ARHGAP44: variants seen among roughly 807,000 people sequenced by gnomAD.
ARHGAP44 encodes Rho GTPase activating protein 44.
ARHGAP44 carries 43 observed loss-of-function variants against 106.8 expected under a neutral mutation model. That is an observed-to-expected ratio of 0.40 (90% CI 0.32 to 0.52). The LOEUF (loss-of-function observed/expected upper bound fraction) is 0.52, where lower values mean the gene tolerates loss of function less well. Among genes scored for constraint, ARHGAP44 ranks in the 20% least tolerant of loss-of-function variants. ARHGAP44 has a pLI of 0.48. For missense variants in ARHGAP44, 866 were observed against 1,050.5 expected (o/e 0.82, Z 2.43); for synonymous variants, 439 against 410.3 (o/e 1.07, Z -0.85).
intron 1 of ARHGAP44, among the ~76,000 whole-genome samples, chr17:12,879,259 C>T (rs777256339): frequency 2.0e-5 from 3 of 152,168 alleles, no homozygotes; most frequent in Admixed American, 6.5e-5. Flanking sequence ...TCACTTAGAA[C>T]GATGGTCTAC....
At chr17:12,874,680 C>G (rs2036500084) in intron 1 of ARHGAP44, among the ~76,000 whole-genome samples, 1 of 151,194 alleles carries the variant, frequency 6.6e-6, no homozygotes, top group Non-Finnish European at 1.5e-5. Flanking sequence ...TGCAGTGAGC[C>G]AAGAGTGTGC....
chr17:12,883,965 A>G (rs1283904039), intron 1 of ARHGAP44, among the ~76,000 whole-genome samples: 1 of 152,142 alleles, frequency 6.6e-6, no homozygotes, highest in Non-Finnish European at 1.5e-5. Context: ...TGTGATTCGT[A>G]TCAGGTACCA....
chr17:12,868,265 T>G (rs2036292196), intron 1 of ARHGAP44, among the ~76,000 whole-genome samples: 2 of 152,094 alleles, frequency 1.3e-5, no homozygotes, highest in Admixed American at 6.6e-5. Flanking sequence ...TTCCTCTTCT[T>G]ATAGGGACAC....
intron 19 of ARHGAP44, chr17:12,981,109 C>A (rs561576947): frequency 6.6e-6 from 1 of 152,278 alleles, no homozygotes; most frequent in East Asian, 1.9e-4. Flanking sequence ...TTGCATTCTA[C>A]ACAAATTTAT....
At chr17:12,894,285 AAG>A (rs1350934942) in intron 1 of ARHGAP44, among the ~76,000 whole-genome samples, 1 of 140,736 alleles carries the variant, frequency 7.1e-6, no homozygotes, top group South Asian at 2.4e-4. Flanking sequence ...TTGTCAGATA[AAG>A]AGAGAGTGAG....
chr17:12,856,802 T>C (rs2035923794), intron 1 of ARHGAP44, among the ~76,000 whole-genome samples: 1 of 152,228 alleles, frequency 6.6e-6, no homozygotes, highest in East Asian at 1.9e-4. Flanking sequence ...TGTCGAGCTT[T>C]AACAATCTGA....
intron 4 of ARHGAP44, among the ~76,000 whole-genome samples, chr17:12,915,195 T>C (rs1206751233): frequency 6.6e-6 from 1 of 152,196 alleles, no homozygotes; most frequent in Non-Finnish European, 1.5e-5. Context: ...TGTACCACCA[T>C]GCCCAGCTGA....
chr17:12,906,956 C>CA lies in ARHGAP44; in HGVS notation c.199-1938dup, dbSNP rs745705083. Among the ~76,000 whole-genome samples the CA allele has an allele frequency of 4.7e-4, 70 of 147,880 alleles. No homozygotes were observed. The East Asian group carries it at 0.011, about 24-fold the overall frequency. ...CCTTGTATCAAAAAACAAAACAAAA[C>CA]AAACAAAAAAAACAGAAAAAAAGGA... On this transcript the variant is annotated intron_variant, in intron 3 of 20. Transcript: ENST00000379672.
At chr17:12,853,706 G>A (rs2035827775) in intron 1 of ARHGAP44, among the ~76,000 whole-genome samples, 1 of 152,198 alleles carries the variant, frequency 6.6e-6, no homozygotes, top group Non-Finnish European at 1.5e-5. Context: ...ACATGACAGA[G>A]TTAACTCGCA....
At chr17:12,898,313 C>A (rs2037276145) in intron 3 of ARHGAP44, among the ~76,000 whole-genome samples, 1 of 152,114 alleles carries the variant, frequency 6.6e-6, no homozygotes, top group Non-Finnish European at 1.5e-5. Flanking sequence ...GTGTGAGCTC[C>A]AGATTGGTTT....
chr17:12,976,686 T>C (rs2039691904), intron 18 of ARHGAP44, among the ~76,000 whole-genome samples: 1 of 151,850 alleles, frequency 6.6e-6, no homozygotes, highest in South Asian at 2.1e-4. Flanking sequence ...TTAGATAGTC[T>C]TAGAGCATAG....
intron 1 of ARHGAP44, among the ~76,000 whole-genome samples, chr17:12,874,458 C>T (rs577582480): frequency 5.3e-5 from 8 of 152,002 alleles, no homozygotes; most frequent in African/African-American, 9.6e-5. Context: ...TGCCCAGGCG[C>T]GGCAGCTCAC....
chr17:12,987,354 CTTTT>C (rs2143473575), intron 20 of ARHGAP44: 1 of 486,888 alleles, frequency 2.1e-6, no homozygotes, highest in South Asian at 3.9e-5. Flanking sequence ...CCTTTTCTTT[CTTTT>C]CATTAGGAGG....
chr17:12,986,946 C>T (rs193055008), intron 20 of ARHGAP44: 297 of 666,928 alleles, frequency 4.5e-4, no homozygotes, highest in Non-Finnish European at 6.0e-4. Context: ...TTGTCCCATA[C>T]GTTCAGGTCT....
At chr17:12,920,280 G>A (rs2038038887) in intron 6 of ARHGAP44, among the ~76,000 whole-genome samples, 1 of 145,978 alleles carries the variant, frequency 6.9e-6, no homozygotes, top group Admixed American at 6.7e-5. Context: ...GGAGGCTGAG[G>A]CAGGAGAATG....
At chr17:12,859,943 A>T (rs988726715) in intron 1 of ARHGAP44, among the ~76,000 whole-genome samples, 1 of 152,206 alleles carries the variant, frequency 6.6e-6, no homozygotes, top group Non-Finnish European at 1.5e-5. Flanking sequence ...TTCATGAAAA[A>T]AAAATTTACT....
intron 16 of ARHGAP44, among the ~76,000 whole-genome samples, chr17:12,964,036 T>G (rs2039331502): frequency 6.6e-6 from 1 of 152,242 alleles, no homozygotes; most frequent in Admixed American, 6.5e-5. Context: ...TAGGGTGTCC[T>G]AACTCCACCA....
chr17:12,802,682 G>A (rs966295431), intron 1 of ARHGAP44, among the ~76,000 whole-genome samples: 1 of 150,662 alleles, frequency 6.6e-6, no homozygotes, highest in African/African-American at 2.4e-5. Flanking sequence ...CACCTTGATC[G>A]ATTTGCCAGG....
At chr17:12,849,235 GCA>G (rs1354642482) in intron 1 of ARHGAP44, among the ~76,000 whole-genome samples, 5 of 151,670 alleles carry the variant, frequency 3.3e-5, no homozygotes, top group South Asian at 2.1e-4. Flanking sequence ...GTGTGTGTGC[GCA>G]CACACACAGA....
Sources: allele counts gnomAD v4.1 joint callset (sites outside exome capture counted in the v4.1 genomes callset), GRCh38; gene constraint gnomAD v4.1.1; transcripts MANE v1.5; gene names NCBI Gene and HGNC (gene_info 2026-07-23, HGNC 2026-07-21).